INSL6: variants seen among roughly 807,000 people sequenced by gnomAD.
INSL6 encodes insulin-like peptide INSL6.
In INSL6, 16 loss-of-function variants were observed where a neutral mutation model predicts 9.4. The observed-to-expected ratio is 1.70, with a 90% confidence interval of 1.15 to 2.59. INSL6 has a LOEUF of 2.59. Among genes scored for constraint, INSL6 ranks in the 30% most tolerant of loss-of-function variants. The pLI is 0.00. For missense variants in INSL6, 391 were observed against 257.3 expected, an observed-to-expected ratio of 1.52 and a Z score of -3.56; for synonymous variants, 154 against 96.9, an observed-to-expected ratio of 1.59 and a Z score of -3.46.
chr9:5,006,291 T>C, the INSL6 span, among the ~76,000 whole-genome samples: 2 of 152,232 alleles, frequency 1.3e-5, no homozygotes, highest in Non-Finnish European at 2.9e-5. Context: ...TTTGGCTCTC[T>C]GTGTGTTATT....
At chr9:5,124,111 TC>T (rs1450591170) in exon 4 of INSL6, among the ~76,000 whole-genome samples, 5 of 151,762 alleles carry the variant, frequency 3.3e-5, no homozygotes, top group South Asian at 2.1e-4. Context: ...GGATGGTAGT[TC>T]CTTGTCAGAT....
the INSL6 span, among the ~76,000 whole-genome samples, chr9:5,000,154 GTT>G: frequency 6.7e-6 from 1 of 149,200 alleles, no homozygotes; most frequent in African/African-American, 2.5e-5. Flanking sequence ...TATTTTTTCT[GTT>G]TTTTTTTAAA....
the INSL6 span, among the ~76,000 whole-genome samples, chr9:5,113,277 A>G: frequency 1.3e-5 from 2 of 149,506 alleles, no homozygotes; most frequent in East Asian, 3.9e-4. Flanking sequence ...GAAAAGAAAA[A>G]AATGCCTTAA....
the INSL6 span, among the ~76,000 whole-genome samples, chr9:5,106,842 TG>T: frequency 6.6e-6 from 1 of 151,994 alleles, no homozygotes; most frequent in Non-Finnish European, 1.5e-5. Context: ...AGGTGGGAGT[TG>T]AACAATGAGA....
At chr9:5,005,705 A>G in the INSL6 span, among the ~76,000 whole-genome samples, 3 of 151,746 alleles carry the variant, frequency 2.0e-5, no homozygotes, top group Non-Finnish European at 2.9e-5. Context: ...TTTATTTTCT[A>G]TTTCCTGAGA....
chr9:5,136,829 T>C (rs1001029450), intron 2 of INSL6, among the ~76,000 whole-genome samples: 2 of 152,190 alleles, frequency 1.3e-5, no homozygotes, highest in East Asian at 1.9e-4. Context: ...GGAAGTCAAA[T>C]TGTCTCTGTT....
the INSL6 span, among the ~76,000 whole-genome samples, chr9:5,071,653 A>G: frequency 1.3e-5 from 2 of 152,162 alleles, no homozygotes; most frequent in African/African-American, 4.8e-5. Flanking sequence ...TGAAAGAGGG[A>G]TTAAGTGGCA....
intron 1 of INSL6, among the ~76,000 whole-genome samples, chr9:5,173,309 C>G (rs1048141280): frequency 1.3e-5 from 2 of 152,124 alleles, no homozygotes; most frequent in African/African-American, 4.8e-5. Context: ...TACAAAGATG[C>G]ATATGTTCAT....
At chr9:5,038,107 GTTC>G in the INSL6 span, among the ~76,000 whole-genome samples, 1 of 152,016 alleles carries the variant, frequency 6.6e-6, no homozygotes, top group Non-Finnish European at 1.5e-5. Context: ...TTAATGATTT[GTTC>G]TTCTTTTGTT....
the INSL6 span, among the ~76,000 whole-genome samples, chr9:5,060,481 C>T: frequency 5.3e-5 from 8 of 152,322 alleles, no homozygotes; most frequent in South Asian, 2.1e-4. Context: ...TTTTCAACAA[C>T]ATTCACAGCA....
At chr9:5,048,880 T>C in the INSL6 span, among the ~76,000 whole-genome samples, 3 of 152,192 alleles carry the variant, frequency 2.0e-5, no homozygotes, top group Non-Finnish European at 2.9e-5. Flanking sequence ...ATTCGCATTG[T>C]TATTTTAGGT....
chr9:5,077,330 TGA>T, the INSL6 span: 1 of 340,878 alleles, frequency 2.9e-6, no homozygotes, highest in East Asian at 5.5e-5. Context: ...TTTAAAGTTG[TGA>T]GTTTTGCCAA....
rs1586883969 is a variant in INSL6, at chr9:5,185,210, G to A, written c.289+104C>T. 7 of 1,414,918 alleles carry A rather than the reference G, an allele frequency of 4.9e-6. No homozygotes were observed. The East Asian group carries it at 6.9e-5, about 14-fold the overall frequency. 87.6% of individuals were successfully genotyped at this position (1,414,918 alleles called of 1,614,324 possible). ...CAATTTTTTAAAGAGCTGTGTACTAGGCACAAATTCCACTTCCTGGGGAAG... is the reference window on the plus strand; with the variant it reads ...CAATTTTTTAAAGAGCTGTGTACTAAGCACAAATTCCACTTCCTGGGGAAG... On this transcript the variant is annotated intron_variant, in intron 1 of 1. Coordinates refer to ENST00000381641, the MANE Select transcript of INSL6 (RefSeq NM_007179.3).
chr9:5,178,586 C>T (rs1825373017), intron 1 of INSL6, among the ~76,000 whole-genome samples: 1 of 152,198 alleles, frequency 6.6e-6, no homozygotes, highest in African/African-American at 2.4e-5. Flanking sequence ...TTTCCTACAT[C>T]ACACTACCCA....
chr9:5,084,704 T>G, the INSL6 span, among the ~76,000 whole-genome samples: 1 of 152,224 alleles, frequency 6.6e-6, no homozygotes, highest in Non-Finnish European at 1.5e-5. Flanking sequence ...TTAACATGGA[T>G]TATTTGTGTA....
the INSL6 span, among the ~76,000 whole-genome samples, chr9:5,001,017 A>G: frequency 1.3e-5 from 2 of 152,354 alleles, no homozygotes; most frequent in South Asian, 4.1e-4. Flanking sequence ...TTAGTAGAGT[A>G]TATAGAAATA....
At chr9:5,055,561 C>T in the INSL6 span, 7 of 837,332 alleles carry the variant, frequency 8.4e-6, no homozygotes, top group Non-Finnish European at 1.3e-5. Flanking sequence ...GTTATCAATA[C>T]CTTTTTTATT....
the INSL6 span, among the ~76,000 whole-genome samples, chr9:5,029,229 G>T: frequency 5.9e-5 from 9 of 152,134 alleles, no homozygotes; most frequent in African/African-American, 1.9e-4. Context: ...GAATAGAGAG[G>T]CCTAAGGAGA....
At chr9:5,056,975 A>G in the INSL6 span, among the ~76,000 whole-genome samples, 1 of 152,202 alleles carries the variant, frequency 6.6e-6, no homozygotes, top group African/African-American at 2.4e-5. Context: ...CTTCTTTGCT[A>G]AGTATCCGTA....
Sources: gnomAD v4.1 joint callset for allele counts (sites outside exome capture counted in the v4.1 genomes callset) on GRCh38, gnomAD v4.1.1 for gene constraint, MANE v1.5 for transcripts, NCBI Gene and HGNC (gene_info 2026-07-23, HGNC 2026-07-21) for gene names.